Variants in TENT4A observed in about 807,000 individuals in gnomAD.
TENT4A encodes the protein terminal nucleotidyltransferase 4A.
Under a neutral mutation model 72.8 loss-of-function variants are expected in TENT4A, and 7 were observed. That is an observed-to-expected ratio of 0.10 (90% CI 0.05 to 0.18). TENT4A has a LOEUF of 0.18. Ranked by LOEUF, TENT4A falls within the 10% of genes least tolerant of loss-of-function variation. The pLI, the probability that TENT4A is intolerant of heterozygous loss-of-function variation, is 1.00. For missense variants in TENT4A, 831 were observed against 1,017.7 expected (o/e 0.82, Z 2.50); for synonymous variants, 456 against 434.3 (o/e 1.05, Z -0.62).
chr5:6,726,920 C>G (rs774136114), intron 1 of TENT4A, among the ~76,000 whole-genome samples: 97 of 152,214 alleles, frequency 6.4e-4, no homozygotes, highest in Non-Finnish European at 1.1e-3. Flanking sequence ...ACTTTGTTAC[C>G]GGTCCCATCT....
At chr5:6,725,957 T>TTC (rs931040199) in intron 1 of TENT4A, among the ~76,000 whole-genome samples, 1 of 152,154 alleles carries the variant, frequency 6.6e-6, no homozygotes, top group African/African-American at 2.4e-5. Flanking sequence ...ATGAAAACCT[T>TTC]AAGTGGCTAA....
intron 1 of TENT4A, among the ~76,000 whole-genome samples, chr5:6,736,795 A>G (rs1741528959): frequency 6.6e-6 from 1 of 152,212 alleles, no homozygotes; most frequent in South Asian, 2.1e-4. Context: ...AGCTTTGTTA[A>G]GAGAGAGAGG....
intron 1 of TENT4A, among the ~76,000 whole-genome samples, chr5:6,737,052 A>G (rs28363343): frequency 0.018 from 2,806 of 152,280 alleles, 35 homozygotes; most frequent in South Asian, 0.04. Flanking sequence ...CCTTCCCCAC[A>G]CCTTGGCCCA....
In TENT4A at chr5:6,725,370, A is replaced by G. The variant is rs993730524; in HGVS notation, c.716+10671A>G. On this transcript the variant is annotated intron_variant, in intron 1 of 12. Transcript: ENST00000230859. ...AATTATGCTGAGTTCCAGAGAAGTG[A>G]TGTCTGTCTTCTCAGGAGAGATGCC... Among the ~76,000 whole-genome samples, 3 of 152,182 alleles carry G rather than the reference A, an allele frequency of 2.0e-5. 1 individual carries two copies. The highest frequency in any genetic ancestry group is 6.5e-5 in the Admixed American group (1 of 15,286).
In TENT4A at chr5:6,746,346, A is replaced by G. The variant is rs1006676425; in HGVS notation, c.1378A>G (p.Ile460Val). ...GIRIKEGGAYIAKEEIMKAMT... is the reference protein window; with the variant it reads ...GIRIKEGGAYVAKEEIMKAMT... ...TAGAATCAAAGAAGGAGGTGCCTAT[A>G]TCGCCAAAGAGGAGATCATGAAAGC... Residue 460 changes from isoleucine (I) to valine (V), a missense_variant, in exon 7 of 13, where the codon ATC becomes GTC. Around this residue, in one of 3 missense-constraint regions of TENT4A, gnomAD observed 197 missense variants for 399.6 expected, o/e 0.49. Transcript: ENST00000230859. 1.2e-5 allele frequency: 19 copies of G among 1,614,138 alleles called. No homozygotes were observed. The highest frequency in any genetic ancestry group is 2.2e-5 in the South Asian group (2 of 91,094).
intron 2 of TENT4A, among the ~76,000 whole-genome samples, chr5:6,738,068 C>T (rs1741602126): frequency 2.0e-5 from 3 of 152,146 alleles, no homozygotes; most frequent in Admixed American, 1.3e-4. Flanking sequence ...TGGAAGTGTT[C>T]CCTCATCACA....
At chr5:6,728,327 A>G (rs1741042057) in intron 1 of TENT4A, among the ~76,000 whole-genome samples, 2 of 152,238 alleles carry the variant, frequency 1.3e-5, no homozygotes, top group Non-Finnish European at 1.5e-5. Context: ...TACTAAGGCT[A>G]TGTAATGTAG....
rs1740186615 is a variant in TENT4A, at chr5:6,713,453, C to G, written c.-531C>G. ...CCTCCTTCCCCCGCGCTGTCGCCGCCGAGAGTGTCTTTTCACCGCCGCCGC... is the reference window on the plus strand; with the variant it reads ...CCTCCTTCCCCCGCGCTGTCGCCGCGGAGAGTGTCTTTTCACCGCCGCCGC... On this transcript the variant is annotated 5_prime_UTR_variant, in exon 1 of 13. Coordinates refer to ENST00000230859, the MANE Select transcript of TENT4A (RefSeq NM_006999.6). 6.6e-6 allele frequency: 1 copy of G among 151,792 alleles called. No individual in the cohort carries two copies. The highest frequency in any genetic ancestry group is 1.5e-5 in the Non-Finnish European group (1 of 68,254). The allele number at this position is 151,792 out of a possible 1,614,324, so 9.4% of individuals were successfully genotyped here.
intron 1 of TENT4A, among the ~76,000 whole-genome samples, chr5:6,721,725 C>T (rs373170454): frequency 1.2e-4 from 19 of 152,314 alleles, no homozygotes; most frequent in African/African-American, 4.6e-4. Context: ...GAGATGGGAG[C>T]AGCTCTGAGG....
intron 1 of TENT4A, among the ~76,000 whole-genome samples, chr5:6,728,734 C>G (rs958544371): frequency 6.6e-6 from 1 of 152,218 alleles, no homozygotes; most frequent in Non-Finnish European, 1.5e-5. Flanking sequence ...CAGATTCTTA[C>G]AGAAGACTTA....
Position 6,741,887 on chromosome 5 carries a change from G to A in TENT4A, c.1009-603G>A, listed in dbSNP as rs28381371. The stretch of plus-strand genomic sequence containing the variant: ...TGGAAGAATTCAGTTTTACTGGTGG[G>A]GTGGAGGGTGGGGCATGAGTGTGGT... On this transcript the variant is annotated intron_variant, in intron 4 of 12. Coordinates refer to ENST00000230859, the MANE Select transcript of TENT4A (RefSeq NM_006999.6). 3.9e-3 allele frequency among the ~76,000 whole-genome samples: 595 copies of A among 152,310 alleles called. 4 individuals carry two copies. The highest frequency in any genetic ancestry group is 0.014 in the African/African-American group (570 of 41,568).
At chr5:6,748,191 G>C (rs979309851) in intron 7 of TENT4A, among the ~76,000 whole-genome samples, 2 of 152,222 alleles carry the variant, frequency 1.3e-5, no homozygotes, top group African/African-American at 4.8e-5. Context: ...AGCCGCCTCC[G>C]TGAGGTGGGC....
chr5:6,737,891 G>A (rs902634762), intron 2 of TENT4A, among the ~76,000 whole-genome samples: 6 of 150,750 alleles, frequency 4.0e-5, no homozygotes, highest in African/African-American at 7.3e-5. Context: ...GAAGACCATC[G>A]GCTGAGGGAT....
chr5:6,748,428 A>G (rs374186935), intron 7 of TENT4A, 36 bp from the exon 8 acceptor site: 14 of 1,609,562 alleles, frequency 8.7e-6, no homozygotes, highest in Admixed American at 5.0e-5. Context: ...GATGGTGTGC[A>G]TGTGGGGAGG....
intron 4 of TENT4A, among the ~76,000 whole-genome samples, chr5:6,742,275 C>G (rs1379025728): frequency 6.6e-6 from 1 of 152,134 alleles, no homozygotes; most frequent in Non-Finnish European, 1.5e-5. Context: ...TGATCCAGGG[C>G]TACAGGGGCT....
At chr5:6,734,790 C>A (rs577339263) in intron 1 of TENT4A, among the ~76,000 whole-genome samples, 49 of 152,334 alleles carry the variant, frequency 3.2e-4, no homozygotes, top group African/African-American at 1.2e-3. Context: ...GGCCATGCCT[C>A]GCCATTAATC....
chr5:6,754,250 C>T (rs1742570391), intron 12 of TENT4A, among the ~76,000 whole-genome samples: 1 of 152,176 alleles, frequency 6.6e-6, no homozygotes, highest in Non-Finnish European at 1.5e-5. Flanking sequence ...CTCACTGCAA[C>T]CTCCGCCTCC....
chr5:6,713,902 C>A lies in TENT4A; in HGVS notation c.-82C>A. The A allele has an allele frequency of 2.2e-6, 1 of 452,644 alleles. No individual in the cohort carries two copies. Among genetic ancestry groups the A allele is most frequent in the Non-Finnish European group, 2.9e-6 (1 of 346,282 alleles). 28.0% of individuals were successfully genotyped at this position (452,644 alleles called of 1,614,324 possible). On this transcript the variant is annotated 5_prime_UTR_variant, in exon 1 of 13. Coordinates refer to ENST00000230859, the MANE Select transcript of TENT4A (RefSeq NM_006999.6). ...AGGCCCGTCCGTCCGTCCGTGCGCG[C>A]GCGGCCGGGCCTCGGGGCGCGGCGG...
rs1742227380 is a variant in TENT4A, at chr5:6,748,516, C to T, written c.1512C>T (p.Phe504=). The T allele has an allele frequency of 9.3e-6, 15 of 1,613,926 alleles. No homozygotes were observed. Among genetic ancestry groups the T allele is most frequent in the South Asian group, 4.4e-5 (4 of 91,084 alleles). ...SYGAMQVKQV[F]DYAYIVLSHA... ...GCGCCATGCAGGTGAAGCAGGTCTT[C>T]GATTATGCCTACATAGTGCTCAGCC... Residue 504 remains phenylalanine, a synonymous_variant, in exon 8 of 13, where the codon TTC becomes TTT. Coordinates refer to ENST00000230859, the MANE Select transcript of TENT4A (RefSeq NM_006999.6).
Sources: gnomAD v4.1 joint callset for allele counts (sites outside exome capture counted in the v4.1 genomes callset) on GRCh38, gnomAD v4.1.1 for gene constraint, gnomAD v4.1.1 regional missense constraint, MANE v1.5 for transcripts, NCBI Gene and HGNC (gene_info 2026-07-23, HGNC 2026-07-21) for gene names.